Variants in ATM observed in about 807,000 individuals in gnomAD.
ATM encodes serine-protein kinase ATM.
In ATM, 308 loss-of-function variants were observed where a neutral mutation model predicts 387.0. The ratio of observed to expected loss-of-function variants is 0.80; its 90% confidence interval spans 0.73 to 0.87. ATM has a LOEUF of 0.87. Among genes scored for constraint, ATM ranks in the 40% least tolerant of loss-of-function variants. The pLI, the probability that ATM is intolerant of heterozygous loss-of-function variation, is 0.00. For synonymous variants in ATM, 1,156 were observed against 1,187.3 expected, an observed-to-expected ratio of 0.97 and a Z score of 0.54; for missense variants, 3,312 against 3,560.9, an observed-to-expected ratio of 0.93 and a Z score of 1.78.
At chr11:108,263,852 C>A (rs1328820032) in intron 16 of ATM, among the ~76,000 whole-genome samples, 1 of 149,458 alleles carries the variant, frequency 6.7e-6, no homozygotes, top group African/African-American at 2.4e-5. Context: ...ACTACAAACA[C>A]CTCTACGCAA....
At chr11:108,306,248 A>G (rs934831758) in intron 37 of ATM, among the ~76,000 whole-genome samples, 3 of 152,140 alleles carry the variant, frequency 2.0e-5, no homozygotes, top group African/African-American at 4.8e-5. Flanking sequence ...CTGTGATCCT[A>G]CTAGATTATA....
intron 4 of ATM, among the ~76,000 whole-genome samples, chr11:108,234,149 GAAA>G (rs2079155123): frequency 6.6e-6 from 1 of 152,070 alleles, no homozygotes; most frequent in Non-Finnish European, 1.5e-5. Context: ...CAGGGTACTA[GAAA>G]AAAGGATCAC....
chr11:108,272,390 A>C (rs1339626730), intron 20 of ATM, 142 bp from the exon 21 acceptor site: 4 of 716,962 alleles, frequency 5.6e-6, no homozygotes, highest in Non-Finnish European at 9.7e-6. Flanking sequence ...CAAGGTGAGT[A>C]TGTTGGCATA....
At chr11:108,261,437 G>A (rs7947406) in intron 16 of ATM, among the ~76,000 whole-genome samples, 3,252 of 152,244 alleles carry the variant, frequency 0.021, 86 homozygotes, top group African/African-American at 0.067. Flanking sequence ...CTGTTAGAAG[G>A]AAAACTAACA....
At chr11:108,355,903 G>A (rs775962537) in intron 61 of ATM, 26 of 152,166 alleles carry the variant, frequency 1.7e-4, no homozygotes, top group Non-Finnish European at 2.5e-4. Flanking sequence ...TTTATGAACC[G>A]AGGCATCTTT....
In ATM at chr11:108,327,761, A is replaced by G. The variant is rs1565524203; in HGVS notation, c.7089+3A>G. ...TCATGCAGACCTATCTAGAAAAGGT[A>G]AGATTTTTGGAGCAACCCTTAAGAT... On this transcript the variant is annotated splice_donor_region_variant and intron_variant, in intron 48 of 62. Coordinates refer to ENST00000675843, the MANE Select transcript of ATM (RefSeq NM_000051.4). 1.2e-6 allele frequency: 2 copies of G among 1,609,546 alleles called. No homozygotes were observed. Among genetic ancestry groups the G allele is most frequent in the South Asian group, 1.1e-5 (1 of 90,922 alleles).
At chr11:108,356,540 T>TAAAAA (rs374615780) in intron 61 of ATM, among the ~76,000 whole-genome samples, 1 of 97,818 alleles carries the variant, frequency 1.0e-5, no homozygotes. Context: ...CTGTCTGTCT[T>TAAAAA]AAAAAAAAAA....
In ATM at chr11:108,227,821, A is replaced by G. The variant is rs1064796002; in HGVS notation, c.118A>G (p.Ile40Val). ...FKRLIRDPET[I>V]KHLDRHSDSK... ...GCGCCTGATTCGAGATCCTGAAACAATTAAACATCTAGATCGGCATTCAGA... is the reference window on the plus strand; with the variant it reads ...GCGCCTGATTCGAGATCCTGAAACAGTTAAACATCTAGATCGGCATTCAGA... The change falls in exon 3 of 63, where the codon ATT (isoleucine) becomes GTT (valine). Residue 40 changes from isoleucine (I) to valine (V), a missense_variant. Ile to Val is a conservative substitution (Grantham distance 29). Coordinates refer to ENST00000675843, the MANE Select transcript of ATM (RefSeq NM_000051.4). The G allele has an allele frequency of 3.7e-6, 6 of 1,613,766 alleles. No homozygotes were observed. Among genetic ancestry groups the G allele is most frequent in the South Asian group, 1.1e-5 (1 of 91,042 alleles).
At chr11:108,279,864 T>C (rs1195570898) in intron 23 of ATM, among the ~76,000 whole-genome samples, 2 of 152,164 alleles carry the variant, frequency 1.3e-5, no homozygotes, top group Non-Finnish European at 2.9e-5. Context: ...GGAGTATAAA[T>C]GGCTCCCTTT....
At position 108,244,930 on chromosome 11, in the gene ATM, C is replaced by A. The variant is rs1591504278; in HGVS notation, c.805C>A (p.His269Asn). ...CACTTTGCTTTATATTTGGACTCAACATAGGCTTAATGATTCTTTAAAAGA... is the reference window on the plus strand; with the variant it reads ...CACTTTGCTTTATATTTGGACTCAAAATAGGCTTAATGATTCTTTAAAAGA... ...LPTLLYIWTQ[H>N]RLNDSLKEVI... Residue 269 changes from histidine to asparagine, a missense_variant, in exon 7 of 63, where the codon CAT becomes AAT. Around this residue, in one of 4 missense-constraint regions of ATM, gnomAD observed 1,791 missense variants for 1,804.5 expected, o/e 0.99. Transcript: ENST00000675843. The A allele has an allele frequency of 6.2e-7, 1 of 1,613,320 alleles. No individual in the cohort carries two copies. The highest frequency in any genetic ancestry group is 1.3e-5 in the African/African-American group (1 of 74,980).
chr11:108,347,253 A>C (rs948138526), intron 58 of ATM, 26 bp from the exon 59 acceptor site: 1 of 1,484,956 alleles, frequency 6.7e-7, no homozygotes, highest in African/African-American at 1.4e-5. Context: ...CAGTGATTTC[A>C]GATTGTTTGT....
chr11:108,328,337 C>T (rs1413865185), intron 48 of ATM, among the ~76,000 whole-genome samples: 1 of 152,200 alleles, frequency 6.6e-6, no homozygotes, highest in African/African-American at 2.4e-5. Flanking sequence ...ACCTCTGCCT[C>T]CTGGGTTCAA....
At chr11:108,267,699 A>C (rs1394110063) in intron 17 of ATM, among the ~76,000 whole-genome samples, 1 of 152,000 alleles carries the variant, frequency 6.6e-6, no homozygotes, top group Non-Finnish European at 1.5e-5. Flanking sequence ...TCTACTAAAA[A>C]CACAAAAATT....
At chr11:108,328,506 A>G (rs1218417132) in intron 48 of ATM, among the ~76,000 whole-genome samples, 3 of 152,212 alleles carry the variant, frequency 2.0e-5, no homozygotes, top group Non-Finnish European at 2.9e-5. Context: ...TCGGCCTCCC[A>G]AAGTGCTGGC....
chr11:108,243,934 A>ATTT lies in ATM; in HGVS notation c.497-6_497-4dup. 1.7e-6 allele frequency: 2 copies of ATTT among 1,200,336 alleles called. No homozygotes were observed. The highest frequency in any genetic ancestry group is 2.3e-6 in the Non-Finnish European group (2 of 874,360). The allele number at this position is 1,200,336 out of a possible 1,614,324, so 74.4% of individuals were successfully genotyped here. A position where few individuals can be genotyped will look rare whatever the true frequency, so the allele number is the denominator to read the frequency against. ...GATTTTTAAAAAATCATGACTAATA[A>ATTT]TTTTTTTTTTTTTTTAAGAATTGTT... is the stretch of plus-strand genomic sequence containing the variant. On this transcript the variant is annotated intron_variant, in intron 5 of 62. Transcript: ENST00000675843.
At chr11:108,320,485 G>A (rs956185533) in intron 44 of ATM, among the ~76,000 whole-genome samples, 10 of 152,170 alleles carry the variant, frequency 6.6e-5, no homozygotes, top group South Asian at 2.1e-4. Context: ...TTTTAAAGCC[G>A]TAGTGACTTA....
At chr11:108,330,768 A>G (rs2086166583) in intron 50 of ATM, among the ~76,000 whole-genome samples, 1 of 152,210 alleles carries the variant, frequency 6.6e-6, no homozygotes, top group South Asian at 2.1e-4. Flanking sequence ...GAAAGCAGTT[A>G]AAGATGATGT....
At chr11:108,312,848 C>A (rs1437389098) in intron 40 of ATM, among the ~76,000 whole-genome samples, 1 of 152,166 alleles carries the variant, frequency 6.6e-6, no homozygotes, top group Non-Finnish European at 1.5e-5. Context: ...TTGTATGTTA[C>A]AGAAGAAGCA....
Position 108,282,801 on chromosome 11 carries a change from A to G in ATM, c.3668A>G (p.Asn1223Ser), listed in dbSNP as rs2082301149. The G allele has an allele frequency of 7.0e-6, 11 of 1,576,994 alleles. No individual in the cohort carries two copies. The highest frequency in any genetic ancestry group is 9.6e-6 in the Non-Finnish European group (11 of 1,146,666). ...GATTATCTGGTTTTGGAATGGCTAA[A>G]TCTTCAAGATACTGAATACAACTTA... Reference protein sequence around the residue: ...HLDYLVLEWLNLQDTEYNLSS... With the variant: ...HLDYLVLEWLSLQDTEYNLSS... Residue 1223 changes from asparagine (N) to serine (S), a missense_variant, in exon 25 of 63, where the codon AAT becomes AGT. By Grantham distance (46) the Asn-to-Ser change is conservative. This residue lies in a region of ATM where 1,791 missense variants were observed against 1,804.5 expected (regional missense o/e 0.99). Transcript: ENST00000675843.
Sources: gnomAD v4.1 joint callset for allele counts (sites outside exome capture counted in the v4.1 genomes callset) on GRCh38, gnomAD v4.1.1 for gene constraint, gnomAD v4.1.1 regional missense constraint, MANE v1.5 for transcripts, NCBI Gene and HGNC (gene_info 2026-07-23, HGNC 2026-07-21) for gene names.